The following SPECC1 variants were observed in gnomAD, a reference collection of about 807,000 sequenced individuals.
The protein encoded by SPECC1 is cytospin-B.
In SPECC1, 62 loss-of-function variants were observed where a neutral mutation model predicts 104.1. The ratio of observed to expected loss-of-function variants is 0.60; its 90% CI spans 0.49 to 0.74. The LOEUF is 0.74. Ranked by LOEUF, SPECC1 falls within the 30% of genes least tolerant of loss-of-function variation. SPECC1 has a pLI of 0.00. For missense variants in SPECC1, 1,306 were observed against 1,310.5 expected (o/e 1.00, Z 0.05); for synonymous variants, 513 against 501.6 (o/e 1.02, Z -0.30).
rs1289290004 is a variant in SPECC1 at position 20,318,870 on chromosome 17, G to A, written c.*4805G>A. 1.0e-5 allele frequency: 2 copies of A among 197,780 alleles called. No individual in the cohort carries two copies. Among genetic ancestry groups the A allele is most frequent in the Admixed American group, 6.1e-5 (1 of 16,298 alleles). The allele number at this position is 197,780 out of a possible 1,614,324, so 12.3% of individuals were successfully genotyped here. On this transcript the variant is annotated 3_prime_UTR_variant, in exon 15 of 15. Coordinates refer to ENST00000395527, the MANE Select transcript of SPECC1 (RefSeq NM_001243439.2). The stretch of plus-strand genomic sequence containing the variant: ...ACTTTAACTACATTAGTTGAGTGTA[G>A]TTGATACATCTGTGGCCTCGTGTCT...
At chr17:20,080,885 G>A (rs758819951) in intron 1 of SPECC1, among the ~76,000 whole-genome samples, 3 of 152,094 alleles carry the variant, frequency 2.0e-5, no homozygotes, top group African/African-American at 7.2e-5. Context: ...GTGCAGGGGG[G>A]GGTGGTCACT....
chr17:20,178,511 C>G (rs2034634773), intron 3 of SPECC1, among the ~76,000 whole-genome samples: 1 of 152,092 alleles, frequency 6.6e-6, no homozygotes, highest in Non-Finnish European at 1.5e-5. Flanking sequence ...TCACAACAAG[C>G]ATAACTAAAT....
chr17:20,107,773 G>A (rs139913837), intron 2 of SPECC1, among the ~76,000 whole-genome samples: 8 of 152,172 alleles, frequency 5.3e-5, no homozygotes, highest in African/African-American at 1.7e-4. Context: ...TGATCTGCCC[G>A]TTTTGGCCTC....
chr17:20,264,692 G>C (rs190392966), intron 12 of SPECC1, among the ~76,000 whole-genome samples: 1 of 151,692 alleles, frequency 6.6e-6, no homozygotes. Context: ...GGCTGGTCTC[G>C]AACTCCTGAC....
intron 13 of SPECC1, among the ~76,000 whole-genome samples, chr17:20,298,958 T>TGG (rs2041460710): frequency 1.5e-5 from 1 of 68,136 alleles, no homozygotes; most frequent in Non-Finnish European, 2.9e-5. Flanking sequence ...AGTGTGTGTG[T>TGG]GTGTGTGTGT....
intron 1 of SPECC1, 35 bp from the exon 2 acceptor site, chr17:20,096,596 A>G: frequency 6.4e-7 from 1 of 1,571,906 alleles, no homozygotes; most frequent in Admixed American, 1.8e-5. Context: ...GGTTCAAGTG[A>G]TGGAGACATG....
At chr17:20,304,784 AAGG>A (rs747234745) in intron 13 of SPECC1, among the ~76,000 whole-genome samples, 2 of 151,992 alleles carry the variant, frequency 1.3e-5, no homozygotes, top group Non-Finnish European at 2.9e-5. Context: ...GGCTGTGATA[AAGG>A]AGAAGATGAG....
Position 20,238,483 on chromosome 17 carries a change from G to C in SPECC1, c.2351+6078G>C, listed in dbSNP as rs1197073195. ...ATTAGTGACGTTATCCAAAGGATGA[G>C]ACAAGACAAAAGTTACTGTCTAATA... On this transcript the variant is annotated intron_variant, in intron 7 of 14. Transcript: ENST00000395527. 6 of 1,042,492 alleles carry C rather than the reference G, an allele frequency of 5.8e-6. No individual in the cohort carries two copies. The African/African-American group carries it at 1.0e-4, about 17-fold the overall frequency. 64.6% of individuals were successfully genotyped at this position (1,042,492 alleles called of 1,614,324 possible).
intron 14 of SPECC1, 46 bp from the exon 15 acceptor site, chr17:20,313,930 G>A: frequency 6.3e-7 from 1 of 1,579,962 alleles, no homozygotes; most frequent in Non-Finnish European, 8.7e-7. Flanking sequence ...GAAGGGGTCT[G>A]TGATGTCCTG....
intron 3 of SPECC1, among the ~76,000 whole-genome samples, chr17:20,157,518 T>A (rs1236996424): frequency 6.6e-6 from 1 of 152,206 alleles, no homozygotes; most frequent in African/African-American, 2.4e-5. Flanking sequence ...GGTAAAGGAT[T>A]GGTTCGGTAA....
chr17:20,054,625 G>T (rs1045698434), intron 1 of SPECC1, among the ~76,000 whole-genome samples: 11 of 152,000 alleles, frequency 7.2e-5, no homozygotes, highest in African/African-American at 1.4e-4. Flanking sequence ...TCTCTTTTTT[G>T]TTGTTGTTCT....
At chr17:20,286,121 G>A (rs2040936669) in intron 12 of SPECC1, among the ~76,000 whole-genome samples, 2 of 152,110 alleles carry the variant, frequency 1.3e-5, no homozygotes, top group African/African-American at 4.8e-5. Flanking sequence ...TTTTAATTGA[G>A]GTATAACATA....
intron 1 of SPECC1, among the ~76,000 whole-genome samples, chr17:20,085,732 G>C (rs56138907): frequency 0.13 from 19,544 of 152,236 alleles, 1,254 homozygotes; most frequent in African/African-American, 0.14. Flanking sequence ...GCCACATTCA[G>C]TGATTTAACT....
At chr17:20,247,132 CAA>C in intron 8 of SPECC1, 85 bp from the exon 9 acceptor site, 1 of 1,062,968 alleles carries the variant, frequency 9.4e-7, no homozygotes, top group South Asian at 1.6e-5. Flanking sequence ...CTTAAGCCAC[CAA>C]AAAAAGTAAC....
At chr17:20,196,290 G>T (rs1397422504) in intron 3 of SPECC1, among the ~76,000 whole-genome samples, 1 of 152,034 alleles carries the variant, frequency 6.6e-6, no homozygotes, top group African/African-American at 2.4e-5. Context: ...TTTATTTTTG[G>T]TGAAAACCCT....
chr17:20,305,701 T>C (rs902369760), intron 13 of SPECC1: 3 of 250,688 alleles, frequency 1.2e-5, no homozygotes, highest in South Asian at 7.9e-5. Flanking sequence ...TTTTTTGATA[T>C]AGCATCATGA....
At chr17:20,143,011 A>G (rs2031012354) in intron 3 of SPECC1, among the ~76,000 whole-genome samples, 1 of 151,990 alleles carries the variant, frequency 6.6e-6, no homozygotes, top group Non-Finnish European at 1.5e-5. Flanking sequence ...AAAAAAAATA[A>G]TAATTGAGAT....
rs180904606 is a variant in SPECC1, at chr17:20,018,977, C to T, written c.-22+9553C>T. On this transcript the variant is annotated intron_variant, in intron 1 of 14. Coordinates refer to ENST00000395527, the MANE Select transcript of SPECC1 (RefSeq NM_001243439.2). Reference sequence around the variant, plus strand: ...AGCATAAACCACACAATAATTTAGGCACAGTGAGTCCCTCTTTCCAGGTTG... The same window carrying T: ...AGCATAAACCACACAATAATTTAGGTACAGTGAGTCCCTCTTTCCAGGTTG... Among the ~76,000 whole-genome samples, 86 of 152,224 alleles carry T rather than the reference C, an allele frequency of 5.6e-4. No individual in the cohort carries two copies. The East Asian group carries it at 0.016, about 27-fold the overall frequency.
At chr17:20,176,323 G>A (rs1334406546) in intron 3 of SPECC1, among the ~76,000 whole-genome samples, 4 of 151,982 alleles carry the variant, frequency 2.6e-5, no homozygotes, top group Admixed American at 6.6e-5. Context: ...TCTCCGCCTC[G>A]TTTTCCTACT....
Sources: gnomAD v4.1 joint callset for allele counts (sites outside exome capture counted in the v4.1 genomes callset) on GRCh38, gnomAD v4.1.1 for gene constraint, MANE v1.5 for transcripts, NCBI Gene and HGNC (gene_info 2026-07-23, HGNC 2026-07-21) for gene names.